The following SSH2 variants were observed in gnomAD, a reference collection of about 807,000 sequenced individuals.
The protein encoded by SSH2 is protein phosphatase Slingshot homolog 2.
A neutral mutation model predicts 135.2 loss-of-function variants in SSH2; 37 were observed. The observed-to-expected ratio is 0.27, with a 90% confidence interval of 0.21 to 0.36. The LOEUF is 0.36. Among genes scored for constraint, SSH2 ranks in the 10% least tolerant of loss-of-function variants. The pLI is 1.00. For synonymous variants in SSH2, 628 were observed against 646.2 expected, an observed-to-expected ratio of 0.97 and a Z score of 0.43; for missense variants, 1,408 against 1,765.3, an observed-to-expected ratio of 0.80 and a Z score of 3.63.
At chr17:29,908,730 C>G (rs1487221932) in intron 1 of SSH2, among the ~76,000 whole-genome samples, 1 of 135,300 alleles carries the variant, frequency 7.4e-6, no homozygotes, top group Non-Finnish European at 1.5e-5. Context: ...CGCCACTGCA[C>G]TCCAGTTTGG....
chr17:29,670,957 T>C (rs577193724), intron 9 of SSH2, among the ~76,000 whole-genome samples: 1 of 152,216 alleles, frequency 6.6e-6, no homozygotes, highest in East Asian at 1.9e-4. Flanking sequence ...AGAAACATCA[T>C]GACGAATTTA....
chr17:29,821,814 T>G (rs1454811393), intron 2 of SSH2, among the ~76,000 whole-genome samples: 1 of 152,176 alleles, frequency 6.6e-6, no homozygotes, highest in Non-Finnish European at 1.5e-5. Flanking sequence ...CAGCTAATCT[T>G]TTTGTATTTT....
intron 11 of SSH2, among the ~76,000 whole-genome samples, chr17:29,656,081 C>T (rs1160456041): frequency 6.6e-6 from 1 of 152,236 alleles, no homozygotes; most frequent in East Asian, 1.9e-4. Context: ...TTGCACAGTG[C>T]CTGGCACCTG....
At chr17:29,665,056 A>G (rs2037215490) in intron 11 of SSH2, among the ~76,000 whole-genome samples, 1 of 152,178 alleles carries the variant, frequency 6.6e-6, no homozygotes, top group Non-Finnish European at 1.5e-5. Flanking sequence ...TTGACTACAG[A>G]TATTTGTCCT....
chr17:29,670,969 A>G (rs889852391), intron 9 of SSH2, among the ~76,000 whole-genome samples: 12 of 152,184 alleles, frequency 7.9e-5, no homozygotes, highest in Non-Finnish European at 1.8e-4. Context: ...ACGAATTTAC[A>G]AAGCAGGCAC....
chr17:29,781,847 CTCTT>C (rs1005902060), intron 3 of SSH2, among the ~76,000 whole-genome samples: 40 of 151,544 alleles, frequency 2.6e-4, no homozygotes, highest in South Asian at 8.4e-4. Context: ...CTCTCTCTCT[CTCTT>C]TCTTTCTTAA....
intron 3 of SSH2, among the ~76,000 whole-genome samples, chr17:29,760,513 A>G (rs1402498033): frequency 6.6e-6 from 1 of 152,206 alleles, no homozygotes; most frequent in Non-Finnish European, 1.5e-5. Flanking sequence ...ACAACTCTCT[A>G]GAGACTTCAA....
rs34014697 is a variant in SSH2, at chr17:29,706,151, A to G, written c.189-3089T>C. On this transcript the variant is annotated intron_variant, in intron 3 of 15. Transcript: ENST00000540801. ...GTAATTTAGGACAAGTCTCACATGT[A>G]AAAGTAATAAATTATATAACTCAAT... Among the ~76,000 whole-genome samples, 528 of 152,350 alleles carry G rather than the reference A, an allele frequency of 3.5e-3. 3 individuals carry two copies. The highest frequency in any genetic ancestry group is 5.4e-3 in the Non-Finnish European group (366 of 68,030).
At chr17:29,684,794 C>T (rs568352941) in intron 5 of SSH2, 110 bp from the exon 6 acceptor site, 1 of 988,770 alleles carries the variant, frequency 1.0e-6, no homozygotes. Flanking sequence ...GGCAGCAGAG[C>T]CAGTAGTTAG....
chr17:29,882,844 T>C (rs2066164013), intron 1 of SSH2, among the ~76,000 whole-genome samples: 1 of 152,218 alleles, frequency 6.6e-6, no homozygotes, highest in African/African-American at 2.4e-5. Flanking sequence ...AAAATTTTTC[T>C]GTAGAGACGG....
chr17:29,706,230 A>G (rs1302108883), intron 3 of SSH2, among the ~76,000 whole-genome samples: 2 of 152,252 alleles, frequency 1.3e-5, no homozygotes, highest in Non-Finnish European at 2.9e-5. Flanking sequence ...TAGCAAATGA[A>G]GTTAAATCAC....
chr17:29,869,714 C>T (rs1472029030), intron 1 of SSH2, among the ~76,000 whole-genome samples: 1 of 152,196 alleles, frequency 6.6e-6, no homozygotes, highest in Non-Finnish European at 1.5e-5. Context: ...AAGAGTTCCT[C>T]TGAAAAGAAA....
chr17:29,726,958 C>T lies in SSH2; in HGVS notation c.189-23896G>A, dbSNP rs12450637. On this transcript the variant is annotated intron_variant, in intron 3 of 15. Coordinates refer to ENST00000540801, the MANE Select transcript of SSH2 (RefSeq NM_001282129.2). ...AAATCTCCCTTAATCTATCTACCGG[C>T]TGCCAGCCAATCATCCTGGACAAGC... 6.3e-3 allele frequency among the ~76,000 whole-genome samples: 967 copies of T among 152,320 alleles called. 30 individuals are homozygous for T. The highest frequency in any genetic ancestry group is 0.048 in the Admixed American group (740 of 15,302).
In SSH2 at chr17:29,636,315, G is replaced by C. The variant is rs1292506559; in HGVS notation, c.1915C>G (p.Pro639Ala). 1 of 1,614,102 alleles carries C rather than the reference G, an allele frequency of 6.2e-7. No individual in the cohort carries two copies. Among genetic ancestry groups the C allele is most frequent in the Non-Finnish European group, 8.5e-7 (1 of 1,180,002 alleles). Residue 639 changes from proline to alanine, a missense_variant, in exon 15 of 16, where the codon CCT becomes GCT. Pro to Ala is a conservative substitution (Grantham distance 27). Around this residue, in one of 3 missense-constraint regions of SSH2, gnomAD observed 1,080 missense variants for 1,144.5 expected, o/e 0.94. Transcript: ENST00000540801. ...AGTGGAGATGTCAATTCTTCCATAG[G>C]CAGTAGGTGGACATTCATGTCTGCT... The part of the protein sequence containing the change: ...LKADMNVHLL[P>A]MEELTSPLKD...
intron 1 of SSH2, among the ~76,000 whole-genome samples, chr17:29,871,745 C>T (rs1408362178): frequency 2.0e-5 from 3 of 152,166 alleles, no homozygotes; most frequent in African/African-American, 7.2e-5. Flanking sequence ...GAAAGAGGAA[C>T]TCTCACATAC....
rs369166044 is a variant in SSH2 at position 29,631,130 on chromosome 17, G to T, written c.4064C>A (p.Thr1355Lys). Residue 1355 changes from threonine to lysine, a missense_variant, in exon 16 of 16, where the codon ACA becomes AAA. Physicochemically the swap from Thr to Lys is moderately conservative, Grantham distance 78. Around this residue, in one of 3 missense-constraint regions of SSH2, gnomAD observed 1,080 missense variants for 1,144.5 expected, o/e 0.94. Coordinates refer to ENST00000540801, the MANE Select transcript of SSH2 (RefSeq NM_001282129.2). Reference protein sequence around the residue: ...EPTKSFVEQLTTTECIVQSKP... With the variant: ...EPTKSFVEQLKTTECIVQSKP... ...GCTCTGCACAATACACTCTGTTGTT[G>T]TGAGTTGTTCTACAAAAGACTTGGT... The T allele has an allele frequency of 3.1e-6, 5 of 1,614,116 alleles. No homozygotes were observed. The East Asian group carries it at 6.7e-5, about 22-fold the overall frequency.
intron 1 of SSH2, among the ~76,000 whole-genome samples, chr17:29,922,052 AGAAGAAGTGACATTTAAGCTGAGACCT>A (rs1323093988): frequency 2.0e-5 from 3 of 152,160 alleles, no homozygotes; most frequent in Admixed American, 2.0e-4. Context: ...GAAGCTTCCC[AGAAGAAGTGACATTTAAGCTGAGACCT>A]GAAGGATGAG....
intron 3 of SSH2, among the ~76,000 whole-genome samples, chr17:29,720,421 A>C (rs2039782458): frequency 6.6e-6 from 1 of 152,206 alleles, no homozygotes; most frequent in South Asian, 2.1e-4. Flanking sequence ...GAACATAAAA[A>C]ATATATTGCC....
At chr17:29,697,197 C>T (rs536053135) in intron 4 of SSH2, among the ~76,000 whole-genome samples, 1 of 152,206 alleles carries the variant, frequency 6.6e-6, no homozygotes, top group African/African-American at 2.4e-5. Flanking sequence ...AAATAATGTA[C>T]TATCATAAAT....
Sources: gnomAD v4.1 joint callset for allele counts (sites outside exome capture counted in the v4.1 genomes callset) on GRCh38, gnomAD v4.1.1 for gene constraint, gnomAD v4.1.1 regional missense constraint, MANE v1.5 for transcripts, NCBI Gene and HGNC (gene_info 2026-07-23, HGNC 2026-07-21) for gene names.